The following PTPRJ variants were observed in gnomAD, a reference collection of about 807,000 sequenced individuals.
The protein encoded by PTPRJ is receptor-type tyrosine-protein phosphatase eta.
Under a neutral mutation model 141.3 loss-of-function variants are expected in PTPRJ, and 129 were observed. The ratio of observed to expected loss-of-function variants is 0.91; its 90% CI spans 0.79 to 1.06. PTPRJ has a LOEUF of 1.06. Among genes scored for constraint, PTPRJ ranks in the 50% least tolerant of loss-of-function variants. The probability of loss-of-function intolerance (pLI) is 0.00; values close to 1 mark genes in which losing one functional copy is unlikely to be tolerated. For missense variants in PTPRJ, 1,601 were observed against 1,679.7 expected (o/e 0.95, Z 0.82); for synonymous variants, 610 against 640.5 (o/e 0.95, Z 0.72).
chr11:48,015,119 G>A (rs2134205830), intron 1 of PTPRJ, among the ~76,000 whole-genome samples: 1 of 152,194 alleles, frequency 6.6e-6, no homozygotes, highest in African/African-American at 2.4e-5. Flanking sequence ...AGGGGAGGTG[G>A]TGAAATAAGG....
At chr11:48,110,166 A>G (rs1355970674) in intron 2 of PTPRJ, 90 bp downstream of exon 2, 13 of 1,356,326 alleles carry the variant, frequency 9.6e-6, no homozygotes, top group South Asian at 9.0e-5. Flanking sequence ...TGAAATGCTA[A>G]TTTATTAAAA....
intron 1 of PTPRJ, among the ~76,000 whole-genome samples, chr11:48,082,544 CT>C (rs1272115062): frequency 5.3e-5 from 8 of 151,440 alleles, no homozygotes; most frequent in Non-Finnish European, 1.0e-4. Context: ...CCCTTTGAGC[CT>C]CCTTAATTTT....
At chr11:48,150,679 T>G (rs1857460721) in intron 18 of PTPRJ, among the ~76,000 whole-genome samples, 1 of 152,186 alleles carries the variant, frequency 6.6e-6, no homozygotes, top group South Asian at 2.1e-4. Flanking sequence ...TGGCCTAGGA[T>G]GGCTTGTGAG....
At position 48,159,123 on chromosome 11, in the gene PTPRJ, G is replaced by GGATGTGTGTGTC. The variant is rs1555058316; in HGVS notation, c.3439-807_3439-806insGATGTGTGTGTC. On this transcript the variant is annotated intron_variant, in intron 21 of 24. Coordinates refer to ENST00000418331, the MANE Select transcript of PTPRJ (RefSeq NM_002843.4). ...GTGTGTGTGTGTGTGTGTATGTGGG[G>GGATGTGTGTGTC]TGTGTGTGTGTGTGTGTGTGTGTGT... Among the ~76,000 whole-genome samples, 8 of 139,566 alleles carry GGATGTGTGTGTC rather than the reference G, an allele frequency of 5.7e-5. 1 individual carries two copies. Among genetic ancestry groups the GGATGTGTGTGTC allele is most frequent in the African/African-American group, 2.2e-4 (8 of 36,940 alleles). 91.6% of individuals were successfully genotyped at this position (139,566 alleles called of 152,430 possible).
intron 1 of PTPRJ, among the ~76,000 whole-genome samples, chr11:48,054,743 C>T (rs1045884848): frequency 6.6e-6 from 1 of 151,746 alleles, no homozygotes; most frequent in Non-Finnish European, 1.5e-5. Flanking sequence ...TGTCCTACCA[C>T]GGAGTCTGTT....
At chr11:48,117,856 CAAAT>C (rs1407050217) in intron 3 of PTPRJ, among the ~76,000 whole-genome samples, 2 of 151,890 alleles carry the variant, frequency 1.3e-5, no homozygotes, top group African/African-American at 2.4e-5. Flanking sequence ...AGACGCTACT[CAAAT>C]AAGAAAATCA....
chr11:48,083,024 C>A (rs1426028977), intron 1 of PTPRJ, among the ~76,000 whole-genome samples: 1 of 152,188 alleles, frequency 6.6e-6, no homozygotes, highest in African/African-American at 2.4e-5. Flanking sequence ...GAGGTTTACT[C>A]TTCCTAGAGT....
chr11:48,100,873 ACT>A (rs779731694), intron 1 of PTPRJ, among the ~76,000 whole-genome samples: 9 of 150,536 alleles, frequency 6.0e-5, no homozygotes, highest in Non-Finnish European at 1.2e-4. Flanking sequence ...CAAGAGCAAA[ACT>A]CTGTCTCAAA....
chr11:48,109,982 C>A, intron 1 of PTPRJ, 76 bp from the exon 2 acceptor site: 1 of 1,543,560 alleles, frequency 6.5e-7, no homozygotes. Flanking sequence ...ATTAAATCCT[C>A]AACTGCTTTA....
intron 1 of PTPRJ, among the ~76,000 whole-genome samples, chr11:48,090,250 G>T (rs1402488114): frequency 1.3e-5 from 2 of 152,156 alleles, no homozygotes; most frequent in Non-Finnish European, 2.9e-5. Context: ...ACAGCCCCAG[G>T]CGCCCTGCAT....
intron 1 of PTPRJ, among the ~76,000 whole-genome samples, chr11:48,080,429 C>T (rs1855528235): frequency 6.6e-6 from 1 of 152,132 alleles, no homozygotes; most frequent in Non-Finnish European, 1.5e-5. Context: ...GATCGGGTAA[C>T]TCAAGAGGGA....
chr11:48,028,557 G>A (rs1490040820), intron 1 of PTPRJ, among the ~76,000 whole-genome samples: 1 of 152,210 alleles, frequency 6.6e-6, no homozygotes. Context: ...TTGGGAGGCT[G>A]AGGTGGGTGG....
At position 48,167,401 on chromosome 11, in the gene PTPRJ, C is replaced by A. The variant is rs375419721; in HGVS notation, c.*39C>A. The A allele has an allele frequency of 8.2e-6, 13 of 1,593,864 alleles. No homozygotes were observed. The highest frequency in any genetic ancestry group is 1.1e-5 in the Non-Finnish European group (13 of 1,166,110). On this transcript the variant is annotated 3_prime_UTR_variant, in exon 25 of 25. Transcript: ENST00000418331. ...ACCTTTCTGGAGTGAACCAGACCGTCGCACCCACAGCGAAGGCACATGCCC... is the reference window on the plus strand; with the variant it reads ...ACCTTTCTGGAGTGAACCAGACCGTAGCACCCACAGCGAAGGCACATGCCC...
intron 8 of PTPRJ, among the ~76,000 whole-genome samples, chr11:48,131,066 ATATATTTTTTTTTT>A (rs1187352453): frequency 1.8e-5 from 2 of 108,658 alleles, no homozygotes; most frequent in African/African-American, 7.2e-5. Context: ...ATATATATAT[ATATATTTTTTTTTT>A]TTTTTTTTTT....
At chr11:48,144,581 C>CT in intron 12 of PTPRJ, 94 bp from the exon 13 acceptor site, 2 of 1,008,878 alleles carry the variant, frequency 2.0e-6, no homozygotes, top group Non-Finnish European at 3.0e-6. Context: ...TTGCTGATCA[C>CT]TATCACCCAA....
chr11:48,010,148 G>A (rs897018091), intron 1 of PTPRJ, among the ~76,000 whole-genome samples: 9 of 152,050 alleles, frequency 5.9e-5, no homozygotes, highest in African/African-American at 2.2e-4. Context: ...CACAGGGCCT[G>A]GTAACCCAGT....
At chr11:48,023,189 T>G (rs1340787816) in intron 1 of PTPRJ, among the ~76,000 whole-genome samples, 1 of 152,154 alleles carries the variant, frequency 6.6e-6, no homozygotes, top group African/African-American at 2.4e-5. Context: ...TGTAGAAATT[T>G]AGTTTGCTGG....
intron 18 of PTPRJ, among the ~76,000 whole-genome samples, chr11:48,152,920 A>G (rs1311432621): frequency 6.6e-6 from 1 of 152,132 alleles, no homozygotes; most frequent in Non-Finnish European, 1.5e-5. Flanking sequence ...GCTTGTAAAG[A>G]GCCTATTTCT....
At chr11:48,089,028 A>G (rs1285306806) in intron 1 of PTPRJ, among the ~76,000 whole-genome samples, 1 of 120,060 alleles carries the variant, frequency 8.3e-6, no homozygotes, top group Admixed American at 9.2e-5. Flanking sequence ...CCCATTTTTC[A>G]TCCCCGGTTA....
Sources: allele counts gnomAD v4.1 joint callset (sites outside exome capture counted in the v4.1 genomes callset), GRCh38; gene constraint gnomAD v4.1.1; transcripts MANE v1.5; gene names NCBI Gene and HGNC (gene_info 2026-07-23, HGNC 2026-07-21).